The following CYFIP2 variants were observed in gnomAD, a reference collection of about 807,000 sequenced individuals.
CYFIP2 encodes the protein cytoplasmic FMR1-interacting protein 2.
In CYFIP2, 29 loss-of-function variants were observed where a neutral mutation model predicts 158.7. That is an observed-to-expected ratio of 0.18 (90% CI 0.14 to 0.25). The LOEUF (loss-of-function observed/expected upper bound fraction) is 0.25. Ranked by LOEUF, CYFIP2 falls within the 10% of genes least tolerant of loss-of-function variation. CYFIP2 has a pLI of 1.00. For missense variants in CYFIP2, 852 were observed against 1,639.5 expected (o/e 0.52, Z 8.29); for synonymous variants, 585 against 617.6 (o/e 0.95, Z 0.78).
intron 26 of CYFIP2, among the ~76,000 whole-genome samples, chr5:157,366,424 A>T (rs1764377242): frequency 6.6e-6 from 1 of 152,180 alleles, no homozygotes; most frequent in South Asian, 2.1e-4. Flanking sequence ...TTGTTTAGAA[A>T]ACCTTTCCTA....
chr5:157,341,341 G>C (rs530675521), intron 23 of CYFIP2, among the ~76,000 whole-genome samples, 184 bp downstream of exon 23: 83 of 152,190 alleles, frequency 5.5e-4, no homozygotes, highest in East Asian at 3.9e-3. Context: ...CTTCAGGCCA[G>C]GAATTTGAGA....
At chr5:157,284,206 G>A (rs1368006279) in intron 1 of CYFIP2, among the ~76,000 whole-genome samples, 2 of 152,014 alleles carry the variant, frequency 1.3e-5, no homozygotes, top group Non-Finnish European at 2.9e-5. Context: ...GTTCTCTTAA[G>A]GTTTTTGAGT....
chr5:157,353,911 A>T (rs994491999), intron 23 of CYFIP2, among the ~76,000 whole-genome samples: 1 of 152,244 alleles, frequency 6.6e-6, no homozygotes, highest in African/African-American at 2.4e-5. Flanking sequence ...TTACTGTTTG[A>T]AGTGGCTGGC....
chr5:157,377,231 AAG>A (rs1225143748), intron 26 of CYFIP2, among the ~76,000 whole-genome samples: 1 of 151,992 alleles, frequency 6.6e-6, no homozygotes, highest in Non-Finnish European at 1.5e-5. Context: ...CTAGAAATCT[AAG>A]AGAGGCTTAG....
intron 3 of CYFIP2, among the ~76,000 whole-genome samples, chr5:157,293,242 G>T (rs1362646721): frequency 1.3e-5 from 2 of 152,154 alleles, no homozygotes; most frequent in African/African-American, 2.4e-5. Context: ...TTTTAGTAGA[G>T]ACGGGGTTTT....
rs189843372 is a variant in CYFIP2, at chr5:157,348,562, C to T, written c.2673+7405C>T. ...GAGTACCTGGGACTACAGGTGTGCA[C>T]CACCATGCCCAGCTAATTTTTGTAT... is the stretch of plus-strand genomic sequence containing the variant. On this transcript the variant is annotated intron_variant, in intron 23 of 30. Transcript: ENST00000620254. Among the ~76,000 whole-genome samples, 10 of 152,310 alleles carry T rather than the reference C, an allele frequency of 6.6e-5. No individual in the cohort carries two copies. In the East Asian group the frequency reaches 1.7e-3, roughly 26 times the overall value.
Position 157,382,580 on chromosome 5 carries a change from A to T in CYFIP2, c.3040-10A>T, listed in dbSNP as rs773612450. On this transcript the variant is annotated splice_polypyrimidine_tract_variant and intron_variant, in intron 26 of 30. Coordinates refer to ENST00000620254, the MANE Select transcript of CYFIP2 (RefSeq NM_001037333.3). ...AATTGTTTTCTCTTTCTTTACCCCC[A>T]TCTCTGCAGTCTCAGGAGGAGGTCT... is the stretch of plus-strand genomic sequence containing the variant. The T allele has an allele frequency of 1.9e-6, 3 of 1,613,834 alleles. No individual in the cohort carries two copies. The Admixed American group carries it at 5.0e-5, about 27-fold the overall frequency.
chr5:157,372,666 C>T (rs535931433), intron 26 of CYFIP2, among the ~76,000 whole-genome samples: 16 of 152,096 alleles, frequency 1.1e-4, no homozygotes, highest in Non-Finnish European at 1.9e-4. Flanking sequence ...AATTTATAGA[C>T]GCATTTGCTA....
At chr5:157,355,047 T>C (rs1387823628) in intron 23 of CYFIP2, among the ~76,000 whole-genome samples, 2 of 152,096 alleles carry the variant, frequency 1.3e-5, no homozygotes, top group Non-Finnish European at 2.9e-5. Context: ...ATGGGACCCC[T>C]TATAACAACC....
intron 23 of CYFIP2, among the ~76,000 whole-genome samples, chr5:157,353,339 C>A (rs963135996): frequency 1.3e-5 from 2 of 152,154 alleles, no homozygotes; most frequent in Non-Finnish European, 2.9e-5. Context: ...CTGGAAGGCT[C>A]GGCTCCTGTT....
intron 21 of CYFIP2, among the ~76,000 whole-genome samples, chr5:157,334,141 T>C (rs997894010): frequency 1.3e-5 from 2 of 152,216 alleles, no homozygotes; most frequent in African/African-American, 4.8e-5. Context: ...GCAAGATCTG[T>C]CAATGGTTGC....
rs554182855 is a variant in CYFIP2, at chr5:157,354,816, G to A, written c.2674-4189G>A. On this transcript the variant is annotated intron_variant, in intron 23 of 30. Coordinates refer to ENST00000620254, the MANE Select transcript of CYFIP2 (RefSeq NM_001037333.3). Reference sequence around the variant, plus strand: ...TAAAACAGTTCCAATACTATTCTCCGCCTCTGCCTAGATCTGGGAATTCCT... The same window carrying A: ...TAAAACAGTTCCAATACTATTCTCCACCTCTGCCTAGATCTGGGAATTCCT... Among the ~76,000 whole-genome samples, 185 of 152,172 alleles carry A rather than the reference G, an allele frequency of 1.2e-3. 2 individuals carry two copies. Among genetic ancestry groups the A allele is most frequent in the African/African-American group, 2.8e-3 (117 of 41,504 alleles).
intron 30 of CYFIP2, among the ~76,000 whole-genome samples, chr5:157,392,426 G>A (rs1767398387): frequency 6.6e-6 from 1 of 152,140 alleles, no homozygotes; most frequent in Non-Finnish European, 1.5e-5. Context: ...AGCGTCCATT[G>A]TTATTTTTTG....
chr5:157,352,334 A>G (rs993505821), intron 23 of CYFIP2, among the ~76,000 whole-genome samples: 3 of 152,112 alleles, frequency 2.0e-5, no homozygotes, highest in Admixed American at 1.3e-4. Flanking sequence ...AGGACCCAGA[A>G]CCCAGTGCTT....
intron 26 of CYFIP2, among the ~76,000 whole-genome samples, chr5:157,371,636 G>A (rs1276598418): frequency 6.6e-6 from 1 of 152,206 alleles, no homozygotes; most frequent in Non-Finnish European, 1.5e-5. Context: ...GACTAAGTGA[G>A]TTGGGAACAC....
At chr5:157,357,996 T>G (rs1055098485) in intron 23 of CYFIP2, among the ~76,000 whole-genome samples, 1 of 152,208 alleles carries the variant, frequency 6.6e-6, no homozygotes, top group Non-Finnish European at 1.5e-5. Context: ...TTTTCCCACC[T>G]GAGCCTCAGT....
intron 17 of CYFIP2, 54 bp from the exon 18 acceptor site, chr5:157,326,117 T>C: frequency 1.5e-6 from 2 of 1,309,328 alleles, no homozygotes; most frequent in East Asian, 2.3e-5. Flanking sequence ...TATAAAGCTG[T>C]CTTCCTTAAG....
chr5:157,338,574 C>T (rs1314742334), intron 21 of CYFIP2, among the ~76,000 whole-genome samples: 1 of 152,204 alleles, frequency 6.6e-6, no homozygotes, highest in East Asian at 1.9e-4. Context: ...CAAGTTGACA[C>T]ATATAAAACT....
chr5:157,314,581 C>T (rs748233045), intron 12 of CYFIP2, 118 bp downstream of exon 12: 138 of 1,350,050 alleles, frequency 1.0e-4, no homozygotes, highest in Admixed American at 4.6e-4. Context: ...ACGTACCATA[C>T]GATTTACCCA....
Sources: allele counts gnomAD v4.1 joint callset (sites outside exome capture counted in the v4.1 genomes callset), GRCh38; gene constraint gnomAD v4.1.1; transcripts MANE v1.5; gene names NCBI Gene and HGNC (gene_info 2026-07-23, HGNC 2026-07-21).